The following GALNT2 variants were observed in gnomAD, a reference collection of about 807,000 sequenced individuals.
GALNT2 encodes the protein polypeptide N-acetylgalactosaminyltransferase 2.
GALNT2 carries 31 observed loss-of-function variants against 81.4 expected under a neutral mutation model. The observed-to-expected ratio is 0.38, with a 90% CI of 0.29 to 0.51. The LOEUF (loss-of-function observed/expected upper bound fraction) is 0.51, where lower values mean the gene tolerates loss of function less well. Ranked by LOEUF, GALNT2 falls within the 20% of genes least tolerant of loss-of-function variation. GALNT2 has a pLI of 0.87. For missense variants in GALNT2, 629 were observed against 765.7 expected (o/e 0.82, Z 2.11); for synonymous variants, 303 against 287.4 (o/e 1.05, Z -0.55).
At chr1:230,183,498 AG>A (rs1184501080) in intron 2 of GALNT2, among the ~76,000 whole-genome samples, 10 of 152,186 alleles carry the variant, frequency 6.6e-5, no homozygotes, top group Non-Finnish European at 1.5e-4. Context: ...ACTTTTTCAC[AG>A]GTAGTGCACG....
intron 1 of GALNT2, among the ~76,000 whole-genome samples, chr1:230,107,101 G>A (rs955584833): frequency 6.6e-6 from 1 of 152,192 alleles, no homozygotes; most frequent in Non-Finnish European, 1.5e-5. Context: ...GTTGCATCTC[G>A]TCAGCAGGAT....
chr1:230,181,690 A>T (rs1351632568), intron 2 of GALNT2, among the ~76,000 whole-genome samples: 2 of 152,092 alleles, frequency 1.3e-5, no homozygotes, highest in Non-Finnish European at 2.9e-5. Context: ...ACACCCAGCC[A>T]TACCTTTCTT....
Position 230,255,225 on chromosome 1 carries a change from G to A in GALNT2, c.1017G>A (p.Ser339=), listed in dbSNP as rs747156553. ...TCTTGTTCATCGTCTCAGAGATCTC[G>A]TTCCGCGTGTGGCAGTGTGGTGGCA... ...DVWGGENLEI[S]FRVWQCGGSL... Residue 339 remains serine (S), a synonymous_variant, in exon 11 of 16, where the codon TCG becomes TCA. Transcript: ENST00000366672. 4 of 1,614,202 alleles carry A rather than the reference G, an allele frequency of 2.5e-6. No individual in the cohort carries two copies. The South Asian group carries it at 3.3e-5, about 13-fold the overall frequency.
upstream of GALNT2, among the ~76,000 whole-genome samples, chr1:230,064,327 C>T (rs1659115024): frequency 6.6e-6 from 1 of 152,208 alleles, no homozygotes; most frequent in African/African-American, 2.4e-5. Context: ...CTTTCACCTT[C>T]TGAATATACA....
At chr1:230,214,135 G>A (rs1477363297) in intron 3 of GALNT2, among the ~76,000 whole-genome samples, 12 of 145,612 alleles carry the variant, frequency 8.2e-5, no homozygotes, top group African/African-American at 2.3e-4. Flanking sequence ...TTTTTGAGAC[G>A]GAGTCTCGCT....
chr1:230,279,272 A>G lies in GALNT2; in HGVS notation c.1561-31A>G. 3 of 1,596,338 alleles carry G rather than the reference A, an allele frequency of 1.9e-6. No homozygotes were observed. The highest frequency in any genetic ancestry group is 2.6e-6 in the Non-Finnish European group (3 of 1,167,388). On this transcript the variant is annotated intron_variant, in intron 15 of 15. Transcript: ENST00000366672. This position sits in a 1 kb window ranked among gnomAD's most constrained non-coding sequence, Gnocchi z 4.6. The stretch of plus-strand genomic sequence containing the variant: ...TGTTTGTACTCCTTTGCTTGTGCCC[A>G]CACTCTAAGGCACTCTCCTGTGTCT...
chr1:230,275,476 C>CAT lies in GALNT2; in HGVS notation c.1560+920_1560+921dup, dbSNP rs765595098. On this transcript the variant is annotated intron_variant, in intron 15 of 15. Coordinates refer to ENST00000366672, the MANE Select transcript of GALNT2 (RefSeq NM_004481.5). The surrounding 1 kb of genome is among the most constrained non-coding windows in gnomAD (Gnocchi z 5.5). ...CATATATACATATATACAAACACCA[C>CAT]ATATATATACATATACACACACACA... is the stretch of plus-strand genomic sequence containing the variant. 2.7e-5 allele frequency among the ~76,000 whole-genome samples: 4 copies of CAT among 150,748 alleles called. No individual in the cohort carries two copies. The highest frequency in any genetic ancestry group is 2.1e-4 in the South Asian group (1 of 4,816).
chr1:230,099,059 T>C (rs1338758550), intron 1 of GALNT2, among the ~76,000 whole-genome samples: 1 of 152,210 alleles, frequency 6.6e-6, no homozygotes, highest in Non-Finnish European at 1.5e-5. Flanking sequence ...GTCAGCTTCA[T>C]GTAGCCAAGG....
chr1:230,260,182 T>C lies in GALNT2; in HGVS notation c.1137-2391T>C, dbSNP rs946076387. Among the ~76,000 whole-genome samples, 9 of 152,366 alleles carry C rather than the reference T, an allele frequency of 5.9e-5. 1 individual carries two copies. The highest frequency in any genetic ancestry group is 1.9e-4 in the African/African-American group (8 of 41,584). Reference sequence around the variant, plus strand: ...TGCCCAACTTGTAATAGATGACATTTAATATTTATTTAATACTTATTTAAT... The same window carrying C: ...TGCCCAACTTGTAATAGATGACATTCAATATTTATTTAATACTTATTTAAT... On this transcript the variant is annotated intron_variant, in intron 11 of 15. Coordinates refer to ENST00000366672, the MANE Select transcript of GALNT2 (RefSeq NM_004481.5).
rs192909197 is a variant in GALNT2 at position 230,079,833 on chromosome 1, G to A, written c.126+12427G>A. 1.6e-4 allele frequency among the ~76,000 whole-genome samples: 25 copies of A among 152,294 alleles called. 1 individual carries two copies. In the East Asian group the frequency reaches 4.2e-3, roughly 26 times the overall value. ...CATAATTGGGCTCATGGAGGCAGAC[G>A]GGCTCATGAGGAATGTCCCTATGGA... On this transcript the variant is annotated intron_variant, in intron 1 of 15. Transcript: ENST00000366672.
intron 1 of GALNT2, among the ~76,000 whole-genome samples, chr1:230,107,279 T>C (rs1339905174): frequency 6.6e-6 from 1 of 152,118 alleles, no homozygotes; most frequent in Non-Finnish European, 1.5e-5. Context: ...AGGGAAAAAA[T>C]GAATTCGCAG....
At chr1:230,107,148 T>C (rs184900376) in intron 1 of GALNT2, among the ~76,000 whole-genome samples, 96 of 152,310 alleles carry the variant, frequency 6.3e-4, no homozygotes, top group African/African-American at 2.1e-3. Context: ...AATGTCATAG[T>C]GAGGTGACTT....
rs1414145673 is a variant in GALNT2 at position 230,280,175 on chromosome 1, C to T, written c.*717C>T. On this transcript the variant is annotated 3_prime_UTR_variant, in exon 16 of 16. Transcript: ENST00000366672. ...AGCTTCCGGGAGAAGGGGCCAGAGC[C>T]CGGTGGGGCCAGTTTCTCACAGAGG... 2.7e-6 allele frequency: 1 copy of T among 364,582 alleles called. No homozygotes were observed. The allele number at this position is 364,582 out of a possible 1,614,324, so 22.6% of individuals were successfully genotyped here.
At position 230,092,186 on chromosome 1, in the gene GALNT2, T is replaced by G. The variant is rs28418309; in HGVS notation, c.126+24780T>G. On this transcript the variant is annotated intron_variant, in intron 1 of 15. Transcript: ENST00000366672. Reference sequence around the variant, plus strand: ...CCTTATATTCCTTTAGTTTTTTTTTTTTTTTTTTTTGCACTGATCTTTCTG... The same window carrying G: ...CCTTATATTCCTTTAGTTTTTTTTTGTTTTTTTTTTGCACTGATCTTTCTG... Among the ~76,000 whole-genome samples the G allele has an allele frequency of 3.7e-3, 25 of 6,806 alleles. 1 individual carries two copies. Among genetic ancestry groups the G allele is most frequent in the South Asian group, 0.019 (3 of 154 alleles). The allele number at this position is 6,806 out of a possible 152,430, so 4.5% of individuals were successfully genotyped here. A position where few individuals can be genotyped will look rare whatever the true frequency, so the allele number is the denominator to read the frequency against.
chr1:230,228,692 A>T (rs1162687394), intron 3 of GALNT2, among the ~76,000 whole-genome samples: 1 of 151,764 alleles, frequency 6.6e-6, no homozygotes, highest in African/African-American at 2.4e-5. Flanking sequence ...AATCACTGTG[A>T]CTCTGCAGTA....
intron 11 of GALNT2, 70 bp downstream of exon 11, chr1:230,255,414 G>A: frequency 1.2e-6 from 2 of 1,600,440 alleles, no homozygotes; most frequent in Non-Finnish European, 1.7e-6. Flanking sequence ...CTGACCTTGG[G>A]CTGTTTGAGG....
intron 3 of GALNT2, among the ~76,000 whole-genome samples, chr1:230,220,053 T>C (rs539741724): frequency 1.4e-4 from 22 of 152,340 alleles, no homozygotes; most frequent in African/African-American, 5.3e-4. Context: ...AAAAAATATC[T>C]AGAGAGCTAT....
At chr1:230,201,559 A>G (rs1049553857) in intron 2 of GALNT2, among the ~76,000 whole-genome samples, 13 of 152,244 alleles carry the variant, frequency 8.5e-5, no homozygotes, top group African/African-American at 2.4e-4. Flanking sequence ...ATATGGAGGT[A>G]CACATGCTAT....
intron 1 of GALNT2, among the ~76,000 whole-genome samples, chr1:230,075,015 A>C (rs1454890969): frequency 6.6e-6 from 1 of 151,058 alleles, no homozygotes; most frequent in African/African-American, 2.4e-5. Flanking sequence ...CCTTCCTTGC[A>C]TTGGCAGTGC....
Sources: gnomAD v4.1 joint callset for allele counts (sites outside exome capture counted in the v4.1 genomes callset) on GRCh38, gnomAD v4.1.1 for gene constraint, Gnocchi (gnomAD v3.1) non-coding constraint, MANE v1.5 for transcripts, NCBI Gene and HGNC (gene_info 2026-07-23, HGNC 2026-07-21) for gene names.